PTPRG: variants seen among roughly 807,000 people sequenced by gnomAD.
PTPRG encodes the protein protein tyrosine phosphatase receptor type G, also known as receptor-type tyrosine-protein phosphatase gamma.
In PTPRG, 102 loss-of-function variants were observed where a neutral mutation model predicts 165.3. That is an observed-to-expected ratio of 0.62 (90% CI 0.53 to 0.73). The LOEUF (loss-of-function observed/expected upper bound fraction) is 0.73. PTPRG is among the 30% of genes least tolerant of loss of function. PTPRG has a pLI of 0.00. For missense variants in PTPRG, 1,866 were observed against 1,861.4 expected (o/e 1.00, Z -0.05); for synonymous variants, 675 against 669.5 (o/e 1.01, Z -0.13).
intron 2 of PTPRG, among the ~76,000 whole-genome samples, chr3:61,907,929 C>CAGCCTA (rs11281755): frequency 0.46 from 69,908 of 150,590 alleles, 18,960 homozygotes; most frequent in African/African-American, 0.76. Flanking sequence ...AGTTTGATGC[C>CAGCCTA]AGCAACATAG....
chr3:61,568,953 A>G lies in PTPRG; in HGVS notation c.85+6581A>G, dbSNP rs58405467. The stretch of plus-strand genomic sequence containing the variant: ...GTTTTAAGTGCTTCCAGGGATAGGA[A>G]GAGGAATGACAGCTGATGAGGTTTC... On this transcript the variant is annotated intron_variant, in intron 1 of 29. Coordinates refer to ENST00000474889, the MANE Select transcript of PTPRG (RefSeq NM_002841.4). 7.3e-3 allele frequency among the ~76,000 whole-genome samples: 1,104 copies of G among 152,100 alleles called. 15 individuals carry two copies. Among genetic ancestry groups the G allele is most frequent in the African/African-American group, 0.025 (1,050 of 41,502 alleles).
intron 1 of PTPRG, among the ~76,000 whole-genome samples, chr3:61,748,145 T>C (rs1034717429): frequency 1.6e-4 from 25 of 152,222 alleles, no homozygotes; most frequent in African/African-American, 5.1e-4. Context: ...TTGTGGGCCT[T>C]GGAGGCTTTC....
intron 1 of PTPRG, among the ~76,000 whole-genome samples, chr3:61,701,741 A>T (rs1444134572): frequency 2.0e-5 from 3 of 150,922 alleles, no homozygotes; most frequent in Admixed American, 6.6e-5. Flanking sequence ...TACTAAAAAT[A>T]AAAAAATTAT....
intron 2 of PTPRG, among the ~76,000 whole-genome samples, chr3:61,801,298 A>C (rs1205538792): frequency 6.6e-6 from 1 of 150,710 alleles, no homozygotes; most frequent in Non-Finnish European, 1.5e-5. Flanking sequence ...GCACACGCAT[A>C]TGTGTGTGTG....
intron 4 of PTPRG, among the ~76,000 whole-genome samples, chr3:62,051,160 C>A (rs1231717495): frequency 6.6e-6 from 1 of 152,232 alleles, no homozygotes; most frequent in Non-Finnish European, 1.5e-5. Flanking sequence ...ATTCTTCCCA[C>A]TGGGACCATT....
intron 6 of PTPRG, among the ~76,000 whole-genome samples, chr3:62,138,470 G>A (rs1358584805): frequency 1.3e-5 from 2 of 152,138 alleles, no homozygotes; most frequent in African/African-American, 4.8e-5. Context: ...TATAATGTCA[G>A]CACTTTGGGA....
At chr3:61,938,699 C>G (rs1247996099) in intron 2 of PTPRG, among the ~76,000 whole-genome samples, 1 of 152,090 alleles carries the variant, frequency 6.6e-6, no homozygotes. Flanking sequence ...ATATTTTATG[C>G]AGAGTCTAAT....
chr3:61,936,914 C>G (rs951738829), intron 2 of PTPRG, among the ~76,000 whole-genome samples: 1 of 152,190 alleles, frequency 6.6e-6, no homozygotes, highest in African/African-American at 2.4e-5. Flanking sequence ...GGCTTAGAAG[C>G]AGAACTTGAT....
Position 61,829,312 on chromosome 3 carries a change from A to G in PTPRG, c.190+80330A>G, listed in dbSNP as rs569828057. 4.7e-4 allele frequency among the ~76,000 whole-genome samples: 71 copies of G among 152,388 alleles called. No individual in the cohort carries two copies. In the South Asian group the frequency reaches 0.014, roughly 30 times the overall value. On this transcript the variant is annotated intron_variant, in intron 2 of 29. Coordinates refer to ENST00000474889, the MANE Select transcript of PTPRG (RefSeq NM_002841.4). ...AATTCCCAGACAGCGTTGTAGTTCA[A>G]TAATGACCGTTATTTATCACAAACG...
chr3:61,929,419 G>T (rs1375154092), intron 2 of PTPRG, among the ~76,000 whole-genome samples: 3 of 152,108 alleles, frequency 2.0e-5, no homozygotes, highest in Non-Finnish European at 4.4e-5. Flanking sequence ...TGATTTTCAA[G>T]TGACCCCGTA....
intron 1 of PTPRG, among the ~76,000 whole-genome samples, chr3:61,708,471 T>TG (rs1491456105): frequency 7.9e-6 from 1 of 127,056 alleles, no homozygotes; most frequent in Admixed American, 8.6e-5. Context: ...TTTTTTTTTT[T>TG]GAGACAGAGT....
intron 1 of PTPRG, among the ~76,000 whole-genome samples, chr3:61,690,615 C>T (rs982252194): frequency 5.9e-5 from 9 of 152,210 alleles, no homozygotes; most frequent in Non-Finnish European, 1.2e-4. Context: ...GGGATAGATT[C>T]GTCCATCCTC....
intron 1 of PTPRG, chr3:61,743,001 G>A: frequency 6.5e-7 from 1 of 1,546,672 alleles, no homozygotes; most frequent in Non-Finnish European, 8.9e-7. Flanking sequence ...TCTTCAAGCT[G>A]ATCTGCAACT....
At chr3:61,788,515 C>T (rs986376190) in intron 2 of PTPRG, among the ~76,000 whole-genome samples, 5 of 152,162 alleles carry the variant, frequency 3.3e-5, no homozygotes, top group Non-Finnish European at 7.3e-5. Context: ...TCAAATATTG[C>T]TAATAGTACT....
rs974804140 is a variant in PTPRG, at chr3:62,210,196, G to A, written c.2155+6246G>A. Among the ~76,000 whole-genome samples, 14 of 152,282 alleles carry A rather than the reference G, an allele frequency of 9.2e-5. No individual in the cohort carries two copies. Among genetic ancestry groups the A allele is most frequent in the East Asian group, 1.9e-4 (1 of 5,178 alleles). On this transcript the variant is annotated intron_variant, in intron 12 of 29. Coordinates refer to ENST00000474889, the MANE Select transcript of PTPRG (RefSeq NM_002841.4). The surrounding 1 kb of genome is among the most constrained non-coding windows in gnomAD (Gnocchi z 4.1). ...TCTTGGCAGTGATATAAATGGAAAC[G>A]AATGATGCTCTAATCCTGCCCACAC...
intron 2 of PTPRG, among the ~76,000 whole-genome samples, chr3:61,811,214 A>G (rs1307090928): frequency 2.0e-5 from 3 of 152,010 alleles, no homozygotes; most frequent in Non-Finnish European, 4.4e-5. Flanking sequence ...GAGTGCTTGA[A>G]TGTGCTTGCA....
chr3:62,078,731 T>C (rs935093886), intron 5 of PTPRG, among the ~76,000 whole-genome samples: 1 of 152,210 alleles, frequency 6.6e-6, no homozygotes, highest in Admixed American at 6.5e-5. Flanking sequence ...TATCTCTGTG[T>C]TGGTACATTT....
intron 4 of PTPRG, among the ~76,000 whole-genome samples, chr3:62,077,251 A>C (rs2106749884): frequency 6.6e-6 from 1 of 151,684 alleles, no homozygotes; most frequent in Non-Finnish European, 1.5e-5. Flanking sequence ...TCGGCCACAG[A>C]GTGAGAGTGA....
At chr3:61,713,590 T>C (rs1412543203) in intron 1 of PTPRG, among the ~76,000 whole-genome samples, 1 of 152,084 alleles carries the variant, frequency 6.6e-6, no homozygotes, top group Non-Finnish European at 1.5e-5. Flanking sequence ...GACCTTAAAT[T>C]CAGGTTATTC....
Sources: allele counts gnomAD v4.1 joint callset (sites outside exome capture counted in the v4.1 genomes callset), GRCh38; gene constraint gnomAD v4.1.1; non-coding constraint Gnocchi (gnomAD v3.1); transcripts MANE v1.5; gene names NCBI Gene and HGNC (gene_info 2026-07-23, HGNC 2026-07-21).